Variants in ZCCHC7 observed in about 807,000 individuals in gnomAD.
The protein encoded by ZCCHC7 is zinc finger CCHC domain-containing protein 7.
ZCCHC7 carries 35 observed loss-of-function variants against 52.0 expected under a neutral mutation model. The ratio of observed to expected loss-of-function variants is 0.67; its 90% CI spans 0.51 to 0.89. The LOEUF is 0.89. Ranked by LOEUF, ZCCHC7 falls within the 40% of genes least tolerant of loss-of-function variation. The pLI is 0.00. For synonymous variants in ZCCHC7, 217 were observed against 221.5 expected, an observed-to-expected ratio of 0.98 and a Z score of 0.18; for missense variants, 574 against 649.1, an observed-to-expected ratio of 0.88 and a Z score of 1.26.
chr9:37,345,683 G>A (rs1475417349), intron 6 of ZCCHC7, among the ~76,000 whole-genome samples: 1 of 150,504 alleles, frequency 6.6e-6, no homozygotes, highest in Non-Finnish European at 1.5e-5. Flanking sequence ...TCGTGCCACT[G>A]TGCTGCAGCC....
At chr9:37,273,859 T>G (rs996540780) in intron 2 of ZCCHC7, among the ~76,000 whole-genome samples, 1 of 152,240 alleles carries the variant, frequency 6.6e-6, no homozygotes, top group Non-Finnish European at 1.5e-5. Context: ...GGAATTTTTT[T>G]TATATGTTCC....
At chr9:37,238,695 G>A (rs1162061120) in intron 2 of ZCCHC7, among the ~76,000 whole-genome samples, 1 of 151,948 alleles carries the variant, frequency 6.6e-6, no homozygotes. Flanking sequence ...TTCTCACCTG[G>A]TTGATCATTT....
Position 37,123,668 on chromosome 9 carries a change from G to A in ZCCHC7, c.-21-2644G>A, listed in dbSNP as rs1842420425. On this transcript the variant is annotated intron_variant, in intron 1 of 8. Transcript: ENST00000336755. ...TTTTAATTTTTTCTGTGCTGCACTG[G>A]AATTATGTTTTGTCTTAAGTCCACA... Among the ~76,000 whole-genome samples the A allele has an allele frequency of 4.6e-5, 7 of 152,112 alleles. No homozygotes were observed. In the South Asian group the frequency reaches 1.2e-3, roughly 27 times the overall value.
At chr9:37,262,345 C>CT (rs1826906198) in intron 2 of ZCCHC7, among the ~76,000 whole-genome samples, 1 of 151,770 alleles carries the variant, frequency 6.6e-6, no homozygotes, top group South Asian at 2.1e-4. Context: ...GCTATATATT[C>CT]AGTTTATCTG....
intron 2 of ZCCHC7, among the ~76,000 whole-genome samples, chr9:37,164,444 GATA>G (rs1821293814): frequency 6.0e-5 from 1 of 16,602 alleles, no homozygotes; most frequent in Non-Finnish European, 1.4e-4. Flanking sequence ...GACTGTCTTA[GATA>G]GATAGATAGA....
At chr9:37,126,166 T>C in intron 1 of ZCCHC7, 146 bp from the exon 2 acceptor site, 1 of 818,740 alleles carries the variant, frequency 1.2e-6, no homozygotes, top group South Asian at 1.9e-5. Flanking sequence ...GACTTAGAAA[T>C]CCTTGGAAAA....
chr9:37,259,232 A>G (rs942550147), intron 2 of ZCCHC7, among the ~76,000 whole-genome samples: 1 of 152,148 alleles, frequency 6.6e-6, no homozygotes, highest in East Asian at 1.9e-4. Context: ...TTCCTTTGGG[A>G]AGAAAAACAT....
intron 5 of ZCCHC7, among the ~76,000 whole-genome samples, chr9:37,324,362 G>A (rs1307517649): frequency 1.3e-5 from 2 of 152,192 alleles, no homozygotes; most frequent in Non-Finnish European, 2.9e-5. Flanking sequence ...TAGCAGTGGC[G>A]GTGTTCAGCA....
At chr9:37,220,392 A>T (rs1824747195) in intron 2 of ZCCHC7, among the ~76,000 whole-genome samples, 1 of 152,168 alleles carries the variant, frequency 6.6e-6, no homozygotes, top group Non-Finnish European at 1.5e-5. Flanking sequence ...AATATAAAAA[A>T]TTAGCCAGGT....
At chr9:37,211,562 T>C (rs1166181927) in intron 2 of ZCCHC7, among the ~76,000 whole-genome samples, 2 of 152,178 alleles carry the variant, frequency 1.3e-5, no homozygotes, top group African/African-American at 2.4e-5. Context: ...ATAGTTCTCA[T>C]TTCTGGATAC....
intron 2 of ZCCHC7, among the ~76,000 whole-genome samples, chr9:37,199,208 GAA>G (rs1823457287): frequency 6.6e-6 from 1 of 151,866 alleles, no homozygotes; most frequent in Admixed American, 6.6e-5. Flanking sequence ...AACAGCAAAA[GAA>G]AAAGACACAA....
intron 2 of ZCCHC7, among the ~76,000 whole-genome samples, chr9:37,162,300 T>A (rs1821150218): frequency 6.6e-6 from 1 of 152,154 alleles, no homozygotes; most frequent in South Asian, 2.1e-4. Context: ...AAGATACATA[T>A]ATACACAGGA....
intron 2 of ZCCHC7, among the ~76,000 whole-genome samples, chr9:37,268,433 AT>A (rs1189575446): frequency 1.6e-4 from 23 of 145,126 alleles, no homozygotes; most frequent in African/African-American, 1.3e-4. Context: ...CAAAATTTCT[AT>A]TTTTTTTTTT....
intron 2 of ZCCHC7, among the ~76,000 whole-genome samples, chr9:37,215,080 C>G (rs1446578794): frequency 6.6e-6 from 1 of 152,026 alleles, no homozygotes; most frequent in African/African-American, 2.4e-5. Context: ...TCTCATTTGA[C>G]TACTGATGAA....
intron 2 of ZCCHC7, among the ~76,000 whole-genome samples, chr9:37,175,062 G>C (rs1309784713): frequency 6.6e-6 from 1 of 151,666 alleles, no homozygotes; most frequent in Non-Finnish European, 1.5e-5. Flanking sequence ...CGTGAACCCG[G>C]GAGGTGGATC....
At chr9:37,227,763 CA>C (rs1288553247) in intron 2 of ZCCHC7, among the ~76,000 whole-genome samples, 1 of 152,182 alleles carries the variant, frequency 6.6e-6, no homozygotes, top group Non-Finnish European at 1.5e-5. Context: ...ATGCATTCCA[CA>C]ACATGGAGGA....
At chr9:37,151,937 C>G (rs1276137292) in intron 2 of ZCCHC7, among the ~76,000 whole-genome samples, 2 of 152,052 alleles carry the variant, frequency 1.3e-5, no homozygotes, top group Non-Finnish European at 2.9e-5. Flanking sequence ...ATTAGCAGTT[C>G]TTTATTTTGG....
intron 2 of ZCCHC7, among the ~76,000 whole-genome samples, chr9:37,128,427 T>C (rs1382914996): frequency 1.3e-5 from 2 of 152,216 alleles, no homozygotes; most frequent in Non-Finnish European, 2.9e-5. Flanking sequence ...CTGTGGGGAA[T>C]ACTTTGAGGC....
intron 5 of ZCCHC7, among the ~76,000 whole-genome samples, chr9:37,323,986 A>G (rs1221370809): frequency 6.6e-6 from 1 of 152,190 alleles, no homozygotes; most frequent in Non-Finnish European, 1.5e-5. Context: ...TTGTGTGCAT[A>G]TGGAACAGTT....
Sources: gnomAD v4.1 joint callset for allele counts (sites outside exome capture counted in the v4.1 genomes callset) on GRCh38, gnomAD v4.1.1 for gene constraint, MANE v1.5 for transcripts, NCBI Gene and HGNC (gene_info 2026-07-23, HGNC 2026-07-21) for gene names.